The following LRP1B variants were observed in gnomAD, a reference collection of about 807,000 sequenced individuals.
LRP1B encodes the protein LDL receptor related protein 1B, also known as low-density lipoprotein receptor-related protein 1B.
In LRP1B, 217 loss-of-function variants were observed where a neutral mutation model predicts 556.6. The observed-to-expected ratio is 0.39, with a 90% confidence interval of 0.35 to 0.44. The LOEUF (loss-of-function observed/expected upper bound fraction) is 0.44. LRP1B is among the 20% of genes least tolerant of loss of function. The pLI is 1.00. For missense variants in LRP1B, 5,053 were observed against 5,620.8 expected (o/e 0.90, Z 3.23); for synonymous variants, 2,047 against 1,865.8 (o/e 1.10, Z -2.50).
intron 2 of LRP1B, among the ~76,000 whole-genome samples, chr2:141,748,520 C>G (rs1476202201): frequency 6.6e-6 from 1 of 152,160 alleles, no homozygotes; most frequent in Non-Finnish European, 1.5e-5. Flanking sequence ...GGCACTACAT[C>G]TGAACACAGC....
At chr2:140,462,724 C>A (rs941485066) in intron 60 of LRP1B, among the ~76,000 whole-genome samples, 2 of 152,174 alleles carry the variant, frequency 1.3e-5, no homozygotes, top group Non-Finnish European at 2.9e-5. Context: ...GCCAGGATAA[C>A]TAGAACTCCC....
chr2:141,260,544 T>C lies in LRP1B; in HGVS notation c.344-5903A>G, dbSNP rs557727726. 4.0e-4 allele frequency among the ~76,000 whole-genome samples: 61 copies of C among 152,302 alleles called. 1 individual carries two copies. Among genetic ancestry groups the C allele is most frequent in the Middle Eastern group, 3.4e-3 (1 of 294 alleles). On this transcript the variant is annotated intron_variant, in intron 3 of 90. Transcript: ENST00000389484. ...AGTTATTACCAATAGAGGTCTTTTT[T>C]CCTCATTAGTTTTGTTTACATAAAT...
At chr2:141,478,063 A>G (rs769849659) in intron 3 of LRP1B, among the ~76,000 whole-genome samples, 6 of 152,178 alleles carry the variant, frequency 3.9e-5, no homozygotes, top group South Asian at 2.1e-4. Context: ...ATAAACAACT[A>G]CATACTAGAA....
chr2:141,664,729 T>G (rs1690357040), intron 2 of LRP1B, among the ~76,000 whole-genome samples: 1 of 152,020 alleles, frequency 6.6e-6, no homozygotes, highest in Non-Finnish European at 1.5e-5. Flanking sequence ...GGAAAAACAC[T>G]CCATGCTCAT....
intron 77 of LRP1B, among the ~76,000 whole-genome samples, chr2:140,345,368 C>A (rs2105104179): frequency 6.6e-6 from 1 of 151,730 alleles, no homozygotes; most frequent in Non-Finnish European, 1.5e-5. Flanking sequence ...AAAATTATGA[C>A]CCTGATCTCT....
chr2:141,539,044 T>C (rs182050124), intron 2 of LRP1B, among the ~76,000 whole-genome samples: 2 of 152,270 alleles, frequency 1.3e-5, no homozygotes, highest in African/African-American at 4.8e-5. Flanking sequence ...AGTTAAATTA[T>C]AGAAATAATA....
At chr2:141,910,049 T>C (rs574008635) in intron 1 of LRP1B, among the ~76,000 whole-genome samples, 2 of 150,204 alleles carry the variant, frequency 1.3e-5, no homozygotes, top group African/African-American at 2.5e-5. Context: ...TAATTTTCTT[T>C]GGTAAGACTA....
chr2:140,993,955 A>G (rs1325847447), intron 16 of LRP1B, 40 bp downstream of exon 16: 2 of 1,601,784 alleles, frequency 1.2e-6, no homozygotes, highest in African/African-American at 2.7e-5. Flanking sequence ...TCAAAGACTC[A>G]GGAAAATACA....
intron 3 of LRP1B, among the ~76,000 whole-genome samples, chr2:141,266,812 A>G (rs1198908224): frequency 6.6e-6 from 1 of 152,228 alleles, no homozygotes; most frequent in African/African-American, 2.4e-5. Context: ...AAGAGAGATT[A>G]ATTTATTTTA....
chr2:142,004,541 T>C (rs549645545), intron 1 of LRP1B, among the ~76,000 whole-genome samples: 62 of 152,142 alleles, frequency 4.1e-4, no homozygotes, highest in Non-Finnish European at 8.1e-4. Context: ...TATATTTCTA[T>C]ATTATTTGAA....
intron 7 of LRP1B, among the ~76,000 whole-genome samples, chr2:141,101,008 C>T (rs1484833384): frequency 6.6e-6 from 1 of 151,994 alleles, no homozygotes; most frequent in Non-Finnish European, 1.5e-5. Flanking sequence ...AGGGGGTAGA[C>T]AAAAGCCTTG....
At chr2:140,267,086 A>G (rs1682238843) in intron 86 of LRP1B, among the ~76,000 whole-genome samples, 1 of 152,038 alleles carries the variant, frequency 6.6e-6, no homozygotes, top group African/African-American at 2.4e-5. Flanking sequence ...AGATAATAAT[A>G]CTACTTATGT....
intron 57 of LRP1B, among the ~76,000 whole-genome samples, chr2:140,491,035 T>C (rs559394068): frequency 6.6e-6 from 1 of 152,244 alleles, no homozygotes; most frequent in African/African-American, 2.4e-5. Context: ...TTAAAGTAGT[T>C]CTGTTATGTG....
chr2:141,210,177 T>C (rs1682479707), intron 6 of LRP1B, among the ~76,000 whole-genome samples: 1 of 151,792 alleles, frequency 6.6e-6, no homozygotes, highest in Admixed American at 6.6e-5. Context: ...GTTTCAATGA[T>C]AAGTTTCCAA....
chr2:142,120,039 G>A (rs1007630704), intron 1 of LRP1B, among the ~76,000 whole-genome samples: 6 of 148,950 alleles, frequency 4.0e-5, no homozygotes, highest in African/African-American at 7.4e-5. Context: ...GGTAATAACC[G>A]TATATCATAA....
intron 45 of LRP1B, among the ~76,000 whole-genome samples, chr2:140,539,817 T>C: frequency 2.0e-5 from 3 of 152,298 alleles, no homozygotes; most frequent in Middle Eastern, 6.8e-3. Flanking sequence ...TGGGAATTTG[T>C]GGCCCGAAAT....
chr2:141,944,725 T>C (rs1419487887), intron 1 of LRP1B, among the ~76,000 whole-genome samples: 1 of 152,096 alleles, frequency 6.6e-6, no homozygotes. Context: ...TGACCAGGAC[T>C]AAAAAATGAG....
At chr2:140,710,755 G>A (rs1687002557) in intron 37 of LRP1B, among the ~76,000 whole-genome samples, 1 of 151,940 alleles carries the variant, frequency 6.6e-6, no homozygotes, top group Admixed American at 6.6e-5. Flanking sequence ...CCTGGAGAAG[G>A]CAAATGGTAT....
At chr2:141,985,469 A>G (rs1263940856) in intron 1 of LRP1B, among the ~76,000 whole-genome samples, 2 of 152,060 alleles carry the variant, frequency 1.3e-5, no homozygotes, top group Non-Finnish European at 2.9e-5. Context: ...CAAGGAAACA[A>G]TGAAAATGTC....
Sources: allele counts gnomAD v4.1 joint callset (sites outside exome capture counted in the v4.1 genomes callset), GRCh38; gene constraint gnomAD v4.1.1; transcripts MANE v1.5; gene names NCBI Gene and HGNC (gene_info 2026-07-23, HGNC 2026-07-21).